Variants in NUBPL observed in about 807,000 individuals in gnomAD.
NUBPL encodes the protein NUBP iron-sulfur cluster assembly factor, mitochondrial.
A neutral mutation model predicts 45.7 loss-of-function variants in NUBPL; 31 were observed. The observed-to-expected ratio is 0.68, with a 90% CI of 0.51 to 0.92. The LOEUF (loss-of-function observed/expected upper bound fraction) is 0.92, where lower values mean the gene tolerates loss of function less well. NUBPL is among the 40% of genes least tolerant of loss of function. NUBPL has a pLI of 0.00. For missense variants in NUBPL, 401 were observed against 398.7 expected, an observed-to-expected ratio of 1.01 and a Z score of -0.05; for synonymous variants, 144 against 140.9, an observed-to-expected ratio of 1.02 and a Z score of -0.15.
At chr14:31,706,301 C>T (rs767233778) in intron 6 of NUBPL, among the ~76,000 whole-genome samples, 10 of 152,086 alleles carry the variant, frequency 6.6e-5, no homozygotes, top group South Asian at 2.1e-4. Context: ...GAAGGGCCAG[C>T]GGATCGGTCC....
intron 7 of NUBPL, among the ~76,000 whole-genome samples, chr14:31,811,778 G>A (rs1303697339): frequency 6.6e-6 from 1 of 152,138 alleles, no homozygotes; most frequent in African/African-American, 2.4e-5. Flanking sequence ...GGTCTTTGAT[G>A]ATGTTGACCT....
intron 8 of NUBPL, among the ~76,000 whole-genome samples, chr14:31,832,618 T>C (rs1473049885): frequency 2.0e-5 from 3 of 152,228 alleles, no homozygotes; most frequent in African/African-American, 7.2e-5. Context: ...TACAGATTTT[T>C]ATTACCACTT....
At chr14:31,629,824 C>T (rs936227631) in intron 4 of NUBPL, among the ~76,000 whole-genome samples, 2 of 152,148 alleles carry the variant, frequency 1.3e-5, no homozygotes, top group African/African-American at 4.8e-5. Context: ...TACCTATCCT[C>T]AGTTTCCCTC....
chr14:31,582,112 TG>T (rs1204874537), intron 3 of NUBPL, among the ~76,000 whole-genome samples: 21 of 152,128 alleles, frequency 1.4e-4, no homozygotes, highest in Admixed American at 1.3e-4. Context: ...AATAAATTAG[TG>T]TCAAGGTGAA....
chr14:31,669,051 T>A (rs1421517701), intron 4 of NUBPL, among the ~76,000 whole-genome samples: 3 of 152,216 alleles, frequency 2.0e-5, no homozygotes, highest in Non-Finnish European at 4.4e-5. Flanking sequence ...TTTTTAGAGT[T>A]GGGGTCTCAC....
chr14:31,669,802 TTTTTTTG>T (rs1254191342), intron 4 of NUBPL, among the ~76,000 whole-genome samples: 10 of 58,294 alleles, frequency 1.7e-4, no homozygotes, highest in South Asian at 6.3e-4. Context: ...TCTTGGTTTT[TTTTTTTG>T]TTTTTTTTTT....
At chr14:31,732,573 T>A (rs1393387366) in intron 6 of NUBPL, among the ~76,000 whole-genome samples, 2 of 151,324 alleles carry the variant, frequency 1.3e-5, no homozygotes, top group Non-Finnish European at 2.9e-5. Context: ...GGTAGATTGT[T>A]TTTAACTTTG....
intron 4 of NUBPL, among the ~76,000 whole-genome samples, chr14:31,600,716 T>C (rs1364790155): frequency 6.6e-6 from 1 of 151,994 alleles, no homozygotes; most frequent in African/African-American, 2.4e-5. Flanking sequence ...CTGTTCACTC[T>C]GATGGTAGTT....
chr14:31,701,507 C>T (rs369679715), intron 6 of NUBPL, among the ~76,000 whole-genome samples: 11 of 152,246 alleles, frequency 7.2e-5, no homozygotes, highest in Admixed American at 6.5e-5. Flanking sequence ...TTTGTTCTTT[C>T]GCTCTTCGCA....
intron 6 of NUBPL, among the ~76,000 whole-genome samples, chr14:31,687,543 A>G (rs1358537852): frequency 2.0e-5 from 3 of 152,254 alleles, no homozygotes; most frequent in Non-Finnish European, 2.9e-5. Context: ...ACTACATACT[A>G]TACTGCTGTG....
At chr14:31,783,671 C>A (rs2039233731) in intron 6 of NUBPL, among the ~76,000 whole-genome samples, 1 of 152,040 alleles carries the variant, frequency 6.6e-6, no homozygotes, top group African/African-American at 2.4e-5. Context: ...ACACCCACCA[C>A]CAGGCCCAGC....
At chr14:31,667,076 C>T (rs745731449) in intron 4 of NUBPL, among the ~76,000 whole-genome samples, 1 of 151,960 alleles carries the variant, frequency 6.6e-6, no homozygotes, top group East Asian at 1.9e-4. Context: ...TTTGTATTTC[C>T]TGAATTTGAA....
At chr14:31,798,227 T>C (rs1210949338) in intron 7 of NUBPL, among the ~76,000 whole-genome samples, 2 of 152,140 alleles carry the variant, frequency 1.3e-5, no homozygotes, top group Non-Finnish European at 2.9e-5. Flanking sequence ...AAAGGAAGCA[T>C]TTTTCAAGGA....
intron 6 of NUBPL, among the ~76,000 whole-genome samples, chr14:31,762,944 A>C (rs1009918847): frequency 6.6e-6 from 1 of 152,272 alleles, no homozygotes; most frequent in African/African-American, 2.4e-5. Flanking sequence ...GACTTAGCCA[A>C]GTAAGACTAA....
intron 4 of NUBPL, among the ~76,000 whole-genome samples, chr14:31,625,395 C>T (rs1030214527): frequency 1.3e-5 from 2 of 151,986 alleles, no homozygotes; most frequent in Non-Finnish European, 2.9e-5. Context: ...ATTTGGGAAT[C>T]TATTGAGTAT....
In NUBPL at chr14:31,673,471, G is replaced by A. The variant is rs761032613; in HGVS notation, c.423-13G>A. The A allele has an allele frequency of 1.3e-5, 21 of 1,611,726 alleles. No individual in the cohort carries two copies. In the South Asian group the frequency reaches 2.2e-4, roughly 17 times the overall value. On this transcript the variant is annotated splice_polypyrimidine_tract_variant and intron_variant, in intron 5 of 10. Transcript: ENST00000281081. ...TTATACAAATTAGTTGTATTTTTAT[G>A]TTACTGTTGCAGTATGTCTATGGGC... is the stretch of plus-strand genomic sequence containing the variant.
chr14:31,603,373 G>A (rs2034500041), intron 4 of NUBPL, among the ~76,000 whole-genome samples: 1 of 149,584 alleles, frequency 6.7e-6, no homozygotes, highest in Non-Finnish European at 1.5e-5. Context: ...TTTTTTAAAA[G>A]AATGGTTTTA....
chr14:31,759,813 A>G (rs1205258401), intron 6 of NUBPL, among the ~76,000 whole-genome samples: 1 of 151,120 alleles, frequency 6.6e-6, no homozygotes, highest in African/African-American at 2.4e-5. Context: ...AGTACATTAC[A>G]TGAGATGTTC....
At chr14:31,833,909 A>T (rs377215945) in intron 8 of NUBPL, among the ~76,000 whole-genome samples, 34 of 152,308 alleles carry the variant, frequency 2.2e-4, no homozygotes, top group African/African-American at 7.7e-4. Flanking sequence ...AATATCAATT[A>T]GTTGTGTGCC....
Sources: allele counts gnomAD v4.1 joint callset (sites outside exome capture counted in the v4.1 genomes callset), GRCh38; gene constraint gnomAD v4.1.1; transcripts MANE v1.5; gene names NCBI Gene and HGNC (gene_info 2026-07-23, HGNC 2026-07-21).